The following DOCK8 variants were observed in gnomAD, a reference collection of about 807,000 sequenced individuals.
DOCK8 encodes the protein dedicator of cytokinesis protein 8.
DOCK8 carries 141 observed loss-of-function variants against 245.6 expected under a neutral mutation model. The ratio of observed to expected loss-of-function variants is 0.57; its 90% CI spans 0.50 to 0.66. DOCK8 has a LOEUF of 0.66. Ranked by LOEUF, DOCK8 falls within the 30% of genes least tolerant of loss-of-function variation. The pLI, the probability that DOCK8 is intolerant of heterozygous loss-of-function variation, is 0.00. For missense variants in DOCK8, 2,965 were observed against 2,603.4 expected (o/e 1.14, Z -3.02); for synonymous variants, 1,168 against 970.2 (o/e 1.20, Z -3.79).
chr9:432,034 G>A (rs146948570), intron 36 of DOCK8, 132 bp from the exon 37 acceptor site: 130 of 897,440 alleles, frequency 1.4e-4, no homozygotes, highest in Non-Finnish European at 2.2e-4. Flanking sequence ...TTCATTGAGA[G>A]AAGAGGAAAT....
At chr9:312,232 T>A (rs1370256037) in intron 6 of DOCK8, 66 bp downstream of exon 6, 4 of 1,558,612 alleles carry the variant, frequency 2.6e-6, no homozygotes, top group Non-Finnish European at 3.5e-6. Context: ...TGGACAATTG[T>A]GTTGTTCATT....
intron 26 of DOCK8, among the ~76,000 whole-genome samples, chr9:400,809 T>C (rs145480204): frequency 0.12 from 457 of 3,722 alleles, 3 homozygotes; most frequent in Middle Eastern, 0.25. Flanking sequence ...ACCTCCACCA[T>C]CACCACCACC....
chr9:431,089 G>T (rs1020216350), intron 36 of DOCK8, among the ~76,000 whole-genome samples: 1 of 151,958 alleles, frequency 6.6e-6, no homozygotes, highest in Non-Finnish European at 1.5e-5. Context: ...GCCCAGGCTG[G>T]TCTAGAACAC....
chr9:246,258 T>C (rs1208978947), intron 1 of DOCK8, among the ~76,000 whole-genome samples: 1 of 151,984 alleles, frequency 6.6e-6, no homozygotes, highest in African/African-American at 2.4e-5. Context: ...TGGTTGCTCA[T>C]GCCTATAATC....
chr9:328,470 A>G (rs1203863187), intron 9 of DOCK8, among the ~76,000 whole-genome samples: 1 of 152,192 alleles, frequency 6.6e-6, no homozygotes, highest in Non-Finnish European at 1.5e-5. Context: ...TGAAGTGGAG[A>G]TAATCACACT....
intron 25 of DOCK8, among the ~76,000 whole-genome samples, chr9:397,417 A>C (rs528342310): frequency 6.6e-6 from 1 of 150,776 alleles, no homozygotes; most frequent in Non-Finnish European, 1.5e-5. Flanking sequence ...GGCTGGGTGC[A>C]GTGGCTCACA....
At chr9:326,160 A>G (rs891743502) in intron 8 of DOCK8, among the ~76,000 whole-genome samples, 11 of 152,192 alleles carry the variant, frequency 7.2e-5, no homozygotes, top group African/African-American at 2.4e-4. Flanking sequence ...TTCAGACCTT[A>G]CCAACTGTAA....
Position 442,739 on chromosome 9 carries a change from T to G in DOCK8, c.5491-688T>G, listed in dbSNP as rs150401958. 1.1e-3 allele frequency among the ~76,000 whole-genome samples: 162 copies of G among 152,186 alleles called. 2 individuals are homozygous for G. Among genetic ancestry groups the G allele is most frequent in the African/African-American group, 3.7e-3 (153 of 41,450 alleles). On this transcript the variant is annotated intron_variant, in intron 42 of 47. Coordinates refer to ENST00000432829, the MANE Select transcript of DOCK8 (RefSeq NM_203447.4). ...GAATTTGTTTACAAAGAGCCTGCAA[T>G]TACCAAGCAGGACTGGGGTCCTTTG...
At chr9:280,762 A>G (rs1368626495) in intron 2 of DOCK8, 1 of 152,212 alleles carries the variant, frequency 6.6e-6, no homozygotes, top group Admixed American at 6.5e-5. Flanking sequence ...ATGCTACAAA[A>G]TGGCTGCAGT....
intron 1 of DOCK8, among the ~76,000 whole-genome samples, chr9:261,295 C>G (rs1157108699): frequency 1.3e-5 from 2 of 152,068 alleles, no homozygotes; most frequent in African/African-American, 4.8e-5. Context: ...TCTTCTCTGG[C>G]TATTTTCTTT....
At chr9:275,418 C>G (rs189906299) in intron 2 of DOCK8, among the ~76,000 whole-genome samples, 1 of 152,202 alleles carries the variant, frequency 6.6e-6, no homozygotes, top group African/African-American at 2.4e-5. Context: ...GCTGAGAAGA[C>G]TTAGAGTAAG....
chr9:422,984 CAAAAA>C (rs56034723), intron 33 of DOCK8, among the ~76,000 whole-genome samples: 6 of 102,836 alleles, frequency 5.8e-5, no homozygotes, highest in South Asian at 3.2e-4. Context: ...GACTCCATCT[CAAAAA>C]AAAAAAAAAA....
chr9:379,690 G>A, intron 20 of DOCK8, 81 bp from the exon 21 acceptor site: 1 of 1,503,100 alleles, frequency 6.7e-7, no homozygotes, highest in Non-Finnish European at 9.2e-7. Context: ...AGGACTCATT[G>A]TCACTGTCCT....
chr9:386,594 T>G (rs1283817984), intron 23 of DOCK8, among the ~76,000 whole-genome samples, 168 bp downstream of exon 23: 1 of 152,194 alleles, frequency 6.6e-6, no homozygotes, highest in Non-Finnish European at 1.5e-5. Context: ...TTACGCCACA[T>G]TTGACCACCT....
intron 18 of DOCK8, 100 bp from the exon 19 acceptor site, chr9:376,110 G>T (rs963319146): frequency 1.1e-6 from 1 of 874,146 alleles, no homozygotes; most frequent in African/African-American, 1.6e-5. Context: ...TTCTGTATTT[G>T]TATAACCCTG....
At chr9:361,915 T>G (rs1014059843) in intron 14 of DOCK8, among the ~76,000 whole-genome samples, 3 of 152,136 alleles carry the variant, frequency 2.0e-5, no homozygotes, top group African/African-American at 7.3e-5. Context: ...AAAATTTTAT[T>G]TTCTGCATTT....
intron 28 of DOCK8, among the ~76,000 whole-genome samples, chr9:409,952 A>G (rs943671340): frequency 6.6e-6 from 1 of 152,102 alleles, no homozygotes; most frequent in African/African-American, 2.4e-5. Flanking sequence ...CCATTGATGG[A>G]CATTTGGGTT....
chr9:344,488 G>C (rs1231724465), intron 14 of DOCK8, among the ~76,000 whole-genome samples: 1 of 152,072 alleles, frequency 6.6e-6, no homozygotes, highest in Non-Finnish European at 1.5e-5. Context: ...TCACGACATG[G>C]AAATGGAAAG....
intron 1 of DOCK8, among the ~76,000 whole-genome samples, chr9:257,612 C>T (rs1203462589): frequency 3.9e-5 from 6 of 152,164 alleles, no homozygotes; most frequent in Non-Finnish European, 8.8e-5. Flanking sequence ...CTCAGCCTTC[C>T]AGGTTCAAGC....
Sources: allele counts gnomAD v4.1 joint callset (sites outside exome capture counted in the v4.1 genomes callset), GRCh38; gene constraint gnomAD v4.1.1; transcripts MANE v1.5; gene names NCBI Gene and HGNC (gene_info 2026-07-23, HGNC 2026-07-21).